Variants in BRWD3 observed in about 807,000 individuals in gnomAD.
BRWD3 encodes the protein bromodomain and WD repeat domain containing 3, also known as bromodomain and WD repeat-containing protein 3.
A neutral mutation model predicts 149.7 loss-of-function variants in BRWD3; 10 were observed. The ratio of observed to expected loss-of-function variants is 0.07; its 90% CI spans 0.04 to 0.11. The LOEUF (loss-of-function observed/expected upper bound fraction) is 0.11, where lower values mean the gene tolerates loss of function less well. BRWD3 is among the 10% of genes least tolerant of loss of function. BRWD3 has a pLI of 1.00. For synonymous variants in BRWD3, 504 were observed against 456.7 expected, an observed-to-expected ratio of 1.10 and a Z score of -1.32; for missense variants, 940 against 1,373.2, an observed-to-expected ratio of 0.68 and a Z score of 4.99.
intron 6 of BRWD3, among the ~76,000 whole-genome samples, chrX:80,770,557 C>T (rs1452593262): frequency 1.3e-4 from 15 of 111,386 alleles, no homozygotes; most frequent in Non-Finnish European, 2.4e-4. Context: ...AACAACGCTT[C>T]ATGCTAAAAA....
rs745770715 is a variant in BRWD3, at chrX:80,681,326, G to A, written c.4654+15C>T. 2.5e-6 allele frequency: 3 copies of A among 1,197,617 alleles called. No individual in the cohort carries two copies. Among genetic ancestry groups the A allele is most frequent in the East Asian group, 3.0e-5 (1 of 33,638 alleles). ...AAATAAATAATAAATGTCTTGTCCT[G>A]TATTTATTTCCTACCTTGTTTAACT... On this transcript the variant is annotated intron_variant, in intron 40 of 40. Transcript: ENST00000373275.
In BRWD3 at chrX:80,793,644, C is replaced by G. The variant is rs762867809; in HGVS notation, c.309G>C (p.Gln103His). Residue 103 changes from glutamine (Q) to histidine (H), a missense_variant, in exon 5 of 41, where the codon CAG becomes CAC. Coordinates refer to ENST00000373275, the MANE Select transcript of BRWD3 (RefSeq NM_153252.5). ...CACCTTTGGCATCCCGTAGCAGAGA[C>G]TGCCGACCAACACCTAATAATGTCT... is the stretch of plus-strand genomic sequence containing the variant. ...GVQTLLGVGR[Q>H]SLLRDAKDCK... 5 of 1,210,948 alleles carry G rather than the reference C, an allele frequency of 4.1e-6. No homozygotes were observed. The East Asian group carries it at 1.5e-4, about 36-fold the overall frequency.
chrX:80,692,881 A>C, intron 28 of BRWD3, 59 bp downstream of exon 28: 1 of 943,534 alleles, frequency 1.1e-6, no homozygotes, highest in Admixed American at 2.2e-5. Flanking sequence ...GGAGGCTATT[A>C]AAAGTCCACA....
chrX:80,758,181 A>G (rs760165297), intron 6 of BRWD3, among the ~76,000 whole-genome samples: 1 of 111,378 alleles, frequency 9.0e-6, no homozygotes, highest in African/African-American at 3.3e-5. Context: ...TCAGGGCAAC[A>G]AGAGCGAAAC....
At chrX:80,763,056 T>C (rs771097745) in intron 6 of BRWD3, among the ~76,000 whole-genome samples, 1 of 111,865 alleles carries the variant, frequency 8.9e-6, no homozygotes, top group Non-Finnish European at 1.9e-5. Flanking sequence ...GAGTCTATGA[T>C]ATATTTTTTA....
intron 6 of BRWD3, among the ~76,000 whole-genome samples, chrX:80,765,333 A>G (rs1482769795): frequency 1.8e-5 from 2 of 112,002 alleles, no homozygotes; most frequent in Non-Finnish European, 3.8e-5. Context: ...GAGGTAAGAA[A>G]GAGAATGTCT....
chrX:80,713,051 C>T (rs760502480), intron 20 of BRWD3, among the ~76,000 whole-genome samples: 11 of 109,045 alleles, frequency 1.0e-4, no homozygotes, highest in East Asian at 3.0e-4. Flanking sequence ...CCAGCTGCCC[C>T]GTCTGGGAGG....
intron 27 of BRWD3, among the ~76,000 whole-genome samples, chrX:80,695,221 C>T (rs1015881156): frequency 9.0e-6 from 1 of 111,609 alleles, no homozygotes; most frequent in Non-Finnish European, 1.9e-5. Context: ...CTAAGGCCTC[C>T]CGAGCCATGT....
chrX:80,766,133 G>A (rs190427172), intron 6 of BRWD3, among the ~76,000 whole-genome samples: 3 of 111,531 alleles, frequency 2.7e-5, no homozygotes, highest in Admixed American at 9.5e-5. Flanking sequence ...TGAATCCGGT[G>A]GGCTTTATTC....
chrX:80,778,816 T>C (rs1316303588), intron 6 of BRWD3, among the ~76,000 whole-genome samples: 2 of 111,328 alleles, frequency 1.8e-5, no homozygotes, highest in East Asian at 5.7e-4. Context: ...CCAGCCAACA[T>C]GGTGACACCC....
rs1057523789 is a variant in BRWD3 at position 80,709,576 on chromosome X, T to A, written c.2327A>T (p.Asn776Ile). The A allele has an allele frequency of 1.7e-6, 2 of 1,208,077 alleles. No individual in the cohort carries two copies. The highest frequency in any genetic ancestry group is 1.8e-5 in the South Asian group (1 of 56,585). Reference protein sequence around the residue: ...KKKPSYTTQRNDYEPSCGRSL... With the variant: ...KKKPSYTTQRIDYEPSCGRSL... ...ACGCCCACAGCTAGGCTCATAATCA[T>A]TCTGTAAAAGAGAAGAATAATAAAT... Residue 776 changes from asparagine to isoleucine, a missense_variant and splice_region_variant, in exon 21 of 41, where the codon AAT (asparagine) becomes ATT (isoleucine). Transcript: ENST00000373275.
intron 6 of BRWD3, among the ~76,000 whole-genome samples, chrX:80,756,735 C>T (rs1318718835): frequency 9.0e-6 from 1 of 111,100 alleles, no homozygotes; most frequent in Non-Finnish European, 1.9e-5. Flanking sequence ...GGATCTCATT[C>T]TTCTAGCATG....
intron 12 of BRWD3, among the ~76,000 whole-genome samples, chrX:80,732,957 C>A (rs1273581450): frequency 9.1e-6 from 1 of 110,290 alleles, no homozygotes; most frequent in Non-Finnish European, 1.9e-5. Context: ...GGTGAAACAC[C>A]GTCTCTACTA....
intron 6 of BRWD3, among the ~76,000 whole-genome samples, chrX:80,782,734 A>T (rs774913067): frequency 9.1e-6 from 1 of 110,338 alleles, no homozygotes; most frequent in South Asian, 3.9e-4. Context: ...CCCTATCTCT[A>T]CAAAAATATA....
In BRWD3 at chrX:80,672,089, A is replaced by G. The variant is rs1336048269; in HGVS notation, c.*4520T>C. ...AATACTTATCATGCTTTTATATGTC[A>G]AAGTCTCACATTCTAGATTTAATTT... On this transcript the variant is annotated 3_prime_UTR_variant, in exon 41 of 41. Coordinates refer to ENST00000373275, the MANE Select transcript of BRWD3 (RefSeq NM_153252.5). 9.0e-6 allele frequency: 1 copy of G among 110,707 alleles called. No homozygotes were observed. The highest frequency in any genetic ancestry group is 1.9e-5 in the Non-Finnish European group (1 of 52,979). The allele number at this position is 110,707 out of a possible 1,213,427, so 9.1% of individuals were successfully genotyped here. A position where few individuals can be genotyped will look rare whatever the true frequency, so the allele number is the denominator to read the frequency against.
At chrX:80,753,847 T>C (rs921291629) in intron 6 of BRWD3, among the ~76,000 whole-genome samples, 1 of 111,271 alleles carries the variant, frequency 9.0e-6, no homozygotes, top group Non-Finnish European at 1.9e-5. Context: ...TGTAGATTTA[T>C]TTCTGGGTTT....
At chrX:80,728,656 G>T in intron 14 of BRWD3, 96 bp downstream of exon 14, 1 of 750,862 alleles carries the variant, frequency 1.3e-6, no homozygotes, top group Non-Finnish European at 1.9e-6. Flanking sequence ...GACTAGTATA[G>T]TATATCATAG....
rs560135830 is a variant in BRWD3, at chrX:80,796,470, A to G, written c.181-2698T>C. On this transcript the variant is annotated intron_variant, in intron 4 of 40. Coordinates refer to ENST00000373275, the MANE Select transcript of BRWD3 (RefSeq NM_153252.5). ...AAGAATTCCTGGAGAAAAAATCTCA[A>G]ATTCTCGTATCAGGATGCCTTTTTT... Among the ~76,000 whole-genome samples the G allele has an allele frequency of 8.0e-5, 9 of 111,898 alleles. No individual in the cohort carries two copies. The South Asian group carries it at 3.3e-3, about 42-fold the overall frequency.
chrX:80,739,973 A>G (rs978565111), intron 8 of BRWD3, among the ~76,000 whole-genome samples: 2 of 112,101 alleles, frequency 1.8e-5, no homozygotes, highest in Non-Finnish European at 1.9e-5. Flanking sequence ...ATTTTTTTCA[A>G]TGGCATATGA....
Sources: allele counts gnomAD v4.1 joint callset (sites outside exome capture counted in the v4.1 genomes callset), GRCh38; gene constraint gnomAD v4.1.1; transcripts MANE v1.5; gene names NCBI Gene and HGNC (gene_info 2026-07-23, HGNC 2026-07-21).